Variants in CNTN4 observed in about 807,000 individuals in gnomAD.
The protein encoded by CNTN4 is contactin-4.
Under a neutral mutation model 122.5 loss-of-function variants are expected in CNTN4, and 77 were observed. That is an observed-to-expected ratio of 0.63 (90% CI 0.52 to 0.76). The LOEUF (loss-of-function observed/expected upper bound fraction) is 0.76. Among genes scored for constraint, CNTN4 ranks in the 30% least tolerant of loss-of-function variants. The pLI, the probability that CNTN4 is intolerant of heterozygous loss-of-function variation, is 0.00. For missense variants in CNTN4, 1,256 were observed against 1,259.1 expected, an observed-to-expected ratio of 1.00 and a Z score of 0.04; for synonymous variants, 512 against 447.0, an observed-to-expected ratio of 1.15 and a Z score of -1.83.
At chr3:2,670,580 T>A (rs145589903) in intron 4 of CNTN4, among the ~76,000 whole-genome samples, 2,101 of 152,308 alleles carry the variant, frequency 0.014, 57 homozygotes, top group African/African-American at 0.048. Flanking sequence ...ATTGGAGCAT[T>A]TAGCCCATGT....
intron 3 of CNTN4, among the ~76,000 whole-genome samples, chr3:2,368,198 AT>A (rs11321346): frequency 0.37 from 54,774 of 149,732 alleles, 10,230 homozygotes; most frequent in Middle Eastern, 0.48. Context: ...CGCCCAGCTA[AT>A]TTTTTTGTAT....
chr3:2,483,849 T>C (rs529533785), intron 3 of CNTN4, among the ~76,000 whole-genome samples: 1 of 152,212 alleles, frequency 6.6e-6, no homozygotes, highest in Non-Finnish European at 1.5e-5. Flanking sequence ...TATTTCTTCA[T>C]AGCAGCGTGA....
chr3:2,250,588 C>A (rs554123969), intron 2 of CNTN4, among the ~76,000 whole-genome samples: 1 of 151,916 alleles, frequency 6.6e-6, no homozygotes, highest in Admixed American at 6.6e-5. Context: ...ATGATAATTA[C>A]CCTGATCTGA....
At chr3:2,520,486 C>G (rs1342742220) in intron 3 of CNTN4, among the ~76,000 whole-genome samples, 1 of 151,754 alleles carries the variant, frequency 6.6e-6, no homozygotes, top group Non-Finnish European at 1.5e-5. Context: ...GTTGGCCAGG[C>G]TGGTCTCGAA....
At chr3:2,494,782 G>A (rs956887963) in intron 3 of CNTN4, among the ~76,000 whole-genome samples, 7 of 152,222 alleles carry the variant, frequency 4.6e-5, no homozygotes, top group African/African-American at 1.7e-4. Flanking sequence ...GAGTCTGGTT[G>A]TAATAGTCTG....
At chr3:2,101,321 G>C (rs2031934773) in intron 2 of CNTN4, among the ~76,000 whole-genome samples, 1 of 152,066 alleles carries the variant, frequency 6.6e-6, no homozygotes, top group Non-Finnish European at 1.5e-5. Flanking sequence ...AAAAAATAAA[G>C]CTGCTCAGCA....
chr3:2,743,096 C>G (rs2089551475), intron 5 of CNTN4, among the ~76,000 whole-genome samples: 1 of 152,122 alleles, frequency 6.6e-6, no homozygotes, highest in African/African-American at 2.4e-5. Flanking sequence ...TCTCATTATG[C>G]CCACAACCAC....
chr3:2,145,814 T>TATC (rs10622886), intron 2 of CNTN4, among the ~76,000 whole-genome samples: 124,769 of 151,934 alleles, frequency 0.82, 51,445 homozygotes, highest in Admixed American at 0.84. Flanking sequence ...ATGTTATTAT[T>TATC]ATTCCCACTT....
intron 14 of CNTN4, among the ~76,000 whole-genome samples, chr3:3,019,660 CCA>C (rs2125581854): frequency 6.6e-6 from 1 of 151,164 alleles, no homozygotes; most frequent in Admixed American, 6.6e-5. Context: ...GCAAACACCA[CCA>C]TATATATATA....
intron 3 of CNTN4, among the ~76,000 whole-genome samples, chr3:2,429,622 C>T (rs1315608523): frequency 2.6e-5 from 4 of 152,196 alleles, no homozygotes; most frequent in Non-Finnish European, 5.9e-5. Flanking sequence ...CAGACAGGGA[C>T]GTTTAAGTCT....
chr3:2,187,746 G>C (rs556486463), intron 2 of CNTN4, among the ~76,000 whole-genome samples: 1 of 152,058 alleles, frequency 6.6e-6, no homozygotes, highest in African/African-American at 2.4e-5. Context: ...ACCTTATGCC[G>C]CTAGCCTTGC....
chr3:2,431,384 A>G (rs997649678), intron 3 of CNTN4, among the ~76,000 whole-genome samples: 1 of 152,218 alleles, frequency 6.6e-6, no homozygotes, highest in Non-Finnish European at 1.5e-5. Flanking sequence ...GTATGTAGGT[A>G]AATGCAAAGA....
chr3:2,868,401 A>G lies in CNTN4; in HGVS notation c.652+1452A>G. Among the ~76,000 whole-genome samples the G allele has an allele frequency of 1.3e-5, 2 of 152,192 alleles. 1 individual carries two copies. Among genetic ancestry groups the G allele is most frequent in the Non-Finnish European group, 2.9e-5 (2 of 68,038 alleles). Reference sequence around the variant, plus strand: ...GTTGCATTATACTGTAACACCTCTTATCTGAATTTATACAAGAAAAACTTG... The same window carrying G: ...GTTGCATTATACTGTAACACCTCTTGTCTGAATTTATACAAGAAAAACTTG... On this transcript the variant is annotated intron_variant, in intron 8 of 24. Transcript: ENST00000418658.
intron 6 of CNTN4, among the ~76,000 whole-genome samples, chr3:2,749,524 T>G (rs2089985514): frequency 6.6e-6 from 1 of 152,108 alleles, no homozygotes; most frequent in Non-Finnish European, 1.5e-5. Context: ...CATTTATTAT[T>G]TCACTCCTAT....
At chr3:2,763,521 A>C (rs148319626) in intron 6 of CNTN4, among the ~76,000 whole-genome samples, 1 of 152,132 alleles carries the variant, frequency 6.6e-6, no homozygotes, top group African/African-American at 2.4e-5. Flanking sequence ...CTTTAGTTGC[A>C]ATTGCTTTTG....
At chr3:2,394,795 T>G (rs934607179) in intron 3 of CNTN4, among the ~76,000 whole-genome samples, 1 of 146,926 alleles carries the variant, frequency 6.8e-6, no homozygotes, top group Admixed American at 6.8e-5. Context: ...TTTTTTTTTT[T>G]TTTTTTTTTT....
chr3:2,433,794 G>T (rs62233806), intron 3 of CNTN4, among the ~76,000 whole-genome samples: 36,739 of 152,130 alleles, frequency 0.24, 5,205 homozygotes, highest in Non-Finnish European at 0.33. Flanking sequence ...AGTTGATCTA[G>T]GTTTACGATG....
chr3:2,152,862 T>C (rs149279469), intron 2 of CNTN4, among the ~76,000 whole-genome samples: 88 of 152,252 alleles, frequency 5.8e-4, no homozygotes, highest in African/African-American at 1.9e-3. Flanking sequence ...GTCATTTTCA[T>C]GAGAAGAGCT....
intron 14 of CNTN4, among the ~76,000 whole-genome samples, chr3:3,012,798 A>C (rs1237270160): frequency 6.6e-6 from 1 of 151,798 alleles, no homozygotes; most frequent in Non-Finnish European, 1.5e-5. Flanking sequence ...GTAAAACCCC[A>C]TCTCTACTAA....
Sources: gnomAD v4.1 joint callset for allele counts (sites outside exome capture counted in the v4.1 genomes callset) on GRCh38, gnomAD v4.1.1 for gene constraint, MANE v1.5 for transcripts, NCBI Gene and HGNC (gene_info 2026-07-23, HGNC 2026-07-21) for gene names.